Variants in PLPPR1 observed in about 807,000 individuals in gnomAD.
PLPPR1 encodes phospholipid phosphatase related 1, also known as phospholipid phosphatase-related protein type 1.
A neutral mutation model predicts 33.1 loss-of-function variants in PLPPR1; 10 were observed. The observed-to-expected ratio is 0.30, with a 90% confidence interval of 0.19 to 0.51. The LOEUF (loss-of-function observed/expected upper bound fraction) is 0.51, where lower values mean the gene tolerates loss of function less well. PLPPR1 is among the 20% of genes least tolerant of loss of function. The pLI is 0.97. For missense variants in PLPPR1, 304 were observed against 408.1 expected (o/e 0.74, Z 2.20); for synonymous variants, 151 against 151.0 (o/e 1.00, Z 0.00).
intron 1 of PLPPR1, among the ~76,000 whole-genome samples, chr9:101,180,686 A>G (rs1207278454): frequency 6.6e-6 from 1 of 151,904 alleles, no homozygotes; most frequent in East Asian, 1.9e-4. Flanking sequence ...GGATCTACAC[A>G]AGCAGAAGAA....
At chr9:101,290,185 A>T (rs1434493272) in intron 4 of PLPPR1, among the ~76,000 whole-genome samples, 1 of 152,230 alleles carries the variant, frequency 6.6e-6, no homozygotes, top group Non-Finnish European at 1.5e-5. Context: ...GGGAGTAATC[A>T]AAATATATTA....
chr9:101,095,192 G>A (rs1252001674), intron 1 of PLPPR1, among the ~76,000 whole-genome samples: 2 of 152,186 alleles, frequency 1.3e-5, no homozygotes, highest in Non-Finnish European at 2.9e-5. Context: ...TCAGTCAATA[G>A]GATGGTACTT....
At chr9:101,214,922 C>T (rs1164904173) in intron 2 of PLPPR1, among the ~76,000 whole-genome samples, 2 of 151,308 alleles carry the variant, frequency 1.3e-5, no homozygotes, top group Admixed American at 1.3e-4. Context: ...ACTCAGGAGG[C>T]TGAGGCAGGA....
At chr9:101,209,475 T>G (rs182560729) in intron 2 of PLPPR1, among the ~76,000 whole-genome samples, 1 of 152,336 alleles carries the variant, frequency 6.6e-6, no homozygotes, top group East Asian at 1.9e-4. Context: ...TTTCTTGGAT[T>G]TCTTGGCCCC....
At chr9:101,140,342 G>T (rs1243835599) in intron 1 of PLPPR1, among the ~76,000 whole-genome samples, 1 of 152,174 alleles carries the variant, frequency 6.6e-6, no homozygotes, top group Non-Finnish European at 1.5e-5. Context: ...GGTCTACTGT[G>T]TACTAGACTC....
chr9:101,266,090 G>C (rs1827987177), intron 2 of PLPPR1, among the ~76,000 whole-genome samples: 1 of 151,592 alleles, frequency 6.6e-6, no homozygotes, highest in Non-Finnish European at 1.5e-5. Flanking sequence ...TCTCTAAATA[G>C]CATTATTGGG....
intron 1 of PLPPR1, among the ~76,000 whole-genome samples, chr9:101,113,462 A>T (rs1168395882): frequency 6.6e-6 from 1 of 152,180 alleles, no homozygotes; most frequent in Non-Finnish European, 1.5e-5. Context: ...TAGATCTCTT[A>T]TAAGATGAAC....
At chr9:101,058,819 G>A (rs1376727685) in intron 1 of PLPPR1, among the ~76,000 whole-genome samples, 3 of 152,068 alleles carry the variant, frequency 2.0e-5, no homozygotes, top group Non-Finnish European at 2.9e-5. Flanking sequence ...CAAGTTATGT[G>A]CACTACTATT....
intron 2 of PLPPR1, 88 bp downstream of exon 2, chr9:101,185,645 T>A: frequency 1.3e-6 from 1 of 793,228 alleles, no homozygotes; most frequent in Non-Finnish European, 2.0e-6. Flanking sequence ...ATAAAATTAA[T>A]TTTATGATTG....
At chr9:101,313,201 G>A (rs910833456) in intron 6 of PLPPR1, among the ~76,000 whole-genome samples, 1 of 152,140 alleles carries the variant, frequency 6.6e-6, no homozygotes, top group African/African-American at 2.4e-5. Flanking sequence ...GGAGAGAATT[G>A]CCCCTAGAAG....
At chr9:101,128,249 G>C (rs1035805686) in intron 1 of PLPPR1, among the ~76,000 whole-genome samples, 1 of 152,160 alleles carries the variant, frequency 6.6e-6, no homozygotes, top group Non-Finnish European at 1.5e-5. Flanking sequence ...ACATTCAGCT[G>C]TAGAGAAATT....
intron 1 of PLPPR1, among the ~76,000 whole-genome samples, chr9:101,036,811 C>G (rs769482935): frequency 6.6e-6 from 1 of 151,658 alleles, no homozygotes; most frequent in South Asian, 2.1e-4. Flanking sequence ...TCCTATGTAC[C>G]ATACGAGCTA....
At chr9:101,213,796 T>G (rs889915116) in intron 2 of PLPPR1, among the ~76,000 whole-genome samples, 4 of 152,342 alleles carry the variant, frequency 2.6e-5, no homozygotes, top group Admixed American at 6.5e-5. Flanking sequence ...GAAACTTAGT[T>G]TAATCATAAG....
At chr9:101,223,424 G>A (rs1826995604) in intron 2 of PLPPR1, among the ~76,000 whole-genome samples, 2 of 151,994 alleles carry the variant, frequency 1.3e-5, no homozygotes, top group Admixed American at 1.3e-4. Flanking sequence ...CAAATGTAGT[G>A]TAAAATCAAA....
chr9:101,034,419 C>T (rs576127754), intron 1 of PLPPR1, among the ~76,000 whole-genome samples: 30 of 152,274 alleles, frequency 2.0e-4, no homozygotes, highest in African/African-American at 7.0e-4. Flanking sequence ...CTCAATGGTA[C>T]CACTTGGGCA....
chr9:101,297,153 T>C (rs1828661536), intron 4 of PLPPR1, among the ~76,000 whole-genome samples: 1 of 152,142 alleles, frequency 6.6e-6, no homozygotes, highest in Admixed American at 6.5e-5. Context: ...CTTTCTAATG[T>C]TCCATAATTT....
intron 2 of PLPPR1, among the ~76,000 whole-genome samples, chr9:101,261,648 A>G (rs1031250877): frequency 5.3e-5 from 8 of 152,184 alleles, no homozygotes; most frequent in African/African-American, 1.9e-4. Context: ...CACATACACC[A>G]TGGAATAGTA....
intron 1 of PLPPR1, among the ~76,000 whole-genome samples, chr9:101,152,173 T>C (rs2118652055): frequency 6.6e-6 from 1 of 152,336 alleles, no homozygotes; most frequent in South Asian, 2.1e-4. Flanking sequence ...TTTTCATGTG[T>C]CTGTTGGCTG....
At chr9:101,238,411 GTA>G (rs373210856) in intron 2 of PLPPR1, among the ~76,000 whole-genome samples, 98 of 144,826 alleles carry the variant, frequency 6.8e-4, no homozygotes, top group African/African-American at 2.0e-3. Flanking sequence ...GTGTGTGTGT[GTA>G]TATATATATA....
Sources: allele counts gnomAD v4.1 joint callset (sites outside exome capture counted in the v4.1 genomes callset), GRCh38; gene constraint gnomAD v4.1.1; transcripts MANE v1.5; gene names NCBI Gene and HGNC (gene_info 2026-07-23, HGNC 2026-07-21).